The following VSIG4 variants were observed in gnomAD, a reference collection of about 807,000 sequenced individuals.
The protein encoded by VSIG4 is V-set and immunoglobulin domain-containing protein 4.
In VSIG4, 34 loss-of-function variants were observed where a neutral mutation model predicts 23.4. That is an observed-to-expected ratio of 1.45 (90% confidence interval 1.10 to 1.93). The LOEUF (loss-of-function observed/expected upper bound fraction) is 1.93. Ranked by LOEUF, VSIG4 falls within the 30% of genes most tolerant of loss-of-function variation. VSIG4 has a pLI of 0.00. For missense variants in VSIG4, 433 were observed against 310.8 expected, an observed-to-expected ratio of 1.39 and a Z score of -2.96; for synonymous variants, 169 against 120.3, an observed-to-expected ratio of 1.41 and a Z score of -2.65.
rs1323243051 is a variant in VSIG4 at position 66,032,448 on chromosome X, C to A, written c.694+20G>T. On this transcript the variant is annotated intron_variant, in intron 3 of 7. Transcript: ENST00000374737. ...CAAGCTTGTGTGTTAAGATGCTCAC[C>A]AGGAAAGAGGGCCGCTCACCTTTGA... 2.5e-6 allele frequency: 3 copies of A among 1,200,138 alleles called. No homozygotes were observed. The South Asian group carries it at 5.4e-5, about 21-fold the overall frequency.
At position 66,032,701 on chromosome X, in the gene VSIG4, G is replaced by C; in HGVS notation, c.461C>G (p.Thr154Arg). The C allele has an allele frequency of 2.5e-6, 3 of 1,211,436 alleles. No homozygotes were observed. The highest frequency in any genetic ancestry group is 4.6e-4 in the Middle Eastern group (2 of 4,349). Residue 154 changes from threonine (T) to arginine (R), a missense_variant, in exon 3 of 8, where the codon ACG becomes AGG. Transcript: ENST00000374737. ...TVTTGSGYGF[T>R]VPQGMRISLQ... is the part of the protein sequence containing the mutation. ...GCTAATCCTCATTCCCTGGGGCACC[G>C]TGAAGCCATAACCGCTGCCAGTTGT...
Position 66,033,464 on chromosome X carries a change from A to G in VSIG4, c.412+10T>C. Reference sequence around the variant, plus strand: ...ATTATCAGTGCTTTCCTACCCCCATAGTGACTCACGTTTCTGGACACGGAG... The same window carrying G: ...ATTATCAGTGCTTTCCTACCCCCATGGTGACTCACGTTTCTGGACACGGAG... On this transcript the variant is annotated intron_variant, in intron 2 of 7. Coordinates refer to ENST00000374737, the MANE Select transcript of VSIG4 (RefSeq NM_007268.3). 2.5e-6 allele frequency: 3 copies of G among 1,182,947 alleles called. No homozygotes were observed. The highest frequency in any genetic ancestry group is 3.4e-6 in the Non-Finnish European group (3 of 875,264).
rs1569240329 is a variant in VSIG4 at position 66,027,569 on chromosome X, CA to C, written c.758-44del. On this transcript the variant is annotated intron_variant, in intron 4 of 7. Coordinates refer to ENST00000374737, the MANE Select transcript of VSIG4 (RefSeq NM_007268.3). Reference sequence around the variant, plus strand: ...AGGGTCAGAGATGTCTCTCTTCTTTCAAAAAGTTGAGAGATAGGAGATGGTT... The same window carrying C: ...AGGGTCAGAGATGTCTCTCTTCTTTCAAAAGTTGAGAGATAGGAGATGGTT... The C allele has an allele frequency of 2.3e-5, 24 of 1,065,480 alleles. No individual in the cohort carries two copies. In the East Asian group the frequency reaches 7.7e-4, roughly 34 times the overall value. The allele number at this position is 1,065,480 out of a possible 1,213,427, so 87.8% of individuals were successfully genotyped here.
At chrX:66,027,990 T>A in intron 4 of VSIG4, 60 bp downstream of exon 4, 1 of 1,073,811 alleles carries the variant, frequency 9.3e-7, no homozygotes, top group Non-Finnish European at 1.3e-6. Context: ...GATTCCTTTC[T>A]TGGCTACGAT....
rs778039002 is a variant in VSIG4 at position 66,022,512 on chromosome X, G to A, written c.963-12C>T. 5.8e-6 allele frequency: 7 copies of A among 1,209,878 alleles called. 1 individual carries two copies. The South Asian group carries it at 1.2e-4, about 21-fold the overall frequency. ...CTCTGGCATGTGCCCTATGGCCCAA[G>A]AGCCCACCACCCATAAGAAGGGACT... On this transcript the variant is annotated splice_polypyrimidine_tract_variant and intron_variant, in intron 7 of 7. Transcript: ENST00000374737.
At position 66,032,647 on chromosome X, in the gene VSIG4, G is replaced by C. The variant is rs1204061197; in HGVS notation, c.515C>G (p.Pro172Arg). 1 of 1,211,432 alleles carries C rather than the reference G, an allele frequency of 8.3e-7. No individual in the cohort carries two copies. The highest frequency in any genetic ancestry group is 3.0e-5 in the East Asian group (1 of 33,840). ...TTGCTTATACCAAATATAACTGATG[G>C]GAGGAGAACCCCGAGCCTGGCATTG... ...SLQCQARGSPPISYIWYKQQT... is the reference protein window; with the variant it reads ...SLQCQARGSPRISYIWYKQQT... The change falls in exon 3 of 8, where the codon CCC (proline) becomes CGC (arginine). Residue 172 changes from proline (P) to arginine (R), a missense_variant. By Grantham distance (103) the Pro-to-Arg change is moderately radical. Coordinates refer to ENST00000374737, the MANE Select transcript of VSIG4 (RefSeq NM_007268.3).
intron 1 of VSIG4, among the ~76,000 whole-genome samples, chrX:66,039,076 C>T: frequency 8.9e-6 from 1 of 111,869 alleles, no homozygotes; most frequent in Non-Finnish European, 1.9e-5. Context: ...TGGAATAGTC[C>T]ATCCTCCTTT....
chrX:66,033,352 A>G lies in VSIG4; in HGVS notation c.412+122T>C, dbSNP rs2085487831. Reference sequence around the variant, plus strand: ...TGCCTGTCCACTTCCTCTGATAAGCACATATACCTGTGGAGAGCCTCTGTA... The same window carrying G: ...TGCCTGTCCACTTCCTCTGATAAGCGCATATACCTGTGGAGAGCCTCTGTA... On this transcript the variant is annotated intron_variant, in intron 2 of 7. Transcript: ENST00000374737. The G allele has an allele frequency of 5.0e-6, 3 of 600,560 alleles. No homozygotes were observed. In the Admixed American group the frequency reaches 9.4e-5, roughly 19 times the overall value. 49.5% of individuals were successfully genotyped at this position (600,560 alleles called of 1,213,427 possible).
chrX:66,027,360 A>G (rs1368940136), intron 5 of VSIG4, 89 bp downstream of exon 5: 6 of 798,401 alleles, frequency 7.5e-6, no homozygotes, highest in Non-Finnish European at 1.1e-5. Flanking sequence ...GCAGATTTCA[A>G]TGCTGTAGAA....
Position 66,032,752 on chromosome X carries a change from G to T in VSIG4, c.413-3C>A. 11 of 1,208,038 alleles carry T rather than the reference G, an allele frequency of 9.1e-6. No individual in the cohort carries two copies. Among genetic ancestry groups the T allele is most frequent in the Non-Finnish European group, 1.2e-5 (11 of 893,661 alleles). ...CACTGTGGGCTTGGAGACAGAGACTGCAAAGAAAAGACAAGACAGGAAACT... is the reference window on the plus strand; with the variant it reads ...CACTGTGGGCTTGGAGACAGAGACTTCAAAGAAAAGACAAGACAGGAAACT... On this transcript the variant is annotated splice_polypyrimidine_tract_variant and splice_region_variant and intron_variant, in intron 2 of 7. Transcript: ENST00000374737.
At chrX:66,024,517 C>A (rs2085367571) in intron 6 of VSIG4, among the ~76,000 whole-genome samples, 1 of 111,866 alleles carries the variant, frequency 8.9e-6, no homozygotes, top group South Asian at 3.7e-4. Context: ...AATACTGTCT[C>A]CTTACAACTT....
rs758119123 is a variant in VSIG4, at chrX:66,032,454, A to G, written c.694+14T>C. The G allele has an allele frequency of 3.3e-6, 4 of 1,200,819 alleles. No individual in the cohort carries two copies. In the African/African-American group the frequency reaches 7.0e-5, roughly 21 times the overall value. ...TGTGTGTTAAGATGCTCACCAGGAA[A>G]GAGGGCCGCTCACCTTTGACCACAA... On this transcript the variant is annotated intron_variant, in intron 3 of 7. Coordinates refer to ENST00000374737, the MANE Select transcript of VSIG4 (RefSeq NM_007268.3).
At chrX:66,036,985 C>CATATA (rs1261122795) in intron 1 of VSIG4, among the ~76,000 whole-genome samples, 5 of 12,770 alleles carry the variant, frequency 3.9e-4, no homozygotes, top group Non-Finnish European at 5.5e-4. Context: ...TATAATATAT[C>CATATA]ATATAATATA....
In VSIG4 at chrX:66,025,118, G is replaced by A. The variant is rs1296430566; in HGVS notation, c.847C>T (p.Pro283Ser). Residue 283 changes from proline (P) to serine (S), a missense_variant, in exon 6 of 8, where the codon CCT becomes TCT. Transcript: ENST00000374737. ...ETSAGPGKSL[P>S]VFAIILIISL... ...ATGATGAGGATGATGGCAAAGACAG[G>A]CAGGCTCTTTCCTAGAGGGTAAAAC... 1 of 1,191,524 alleles carries A rather than the reference G, an allele frequency of 8.4e-7. No homozygotes were observed. Among genetic ancestry groups the A allele is most frequent in the Admixed American group, 2.3e-5 (1 of 43,733 alleles).
rs772118560 is a variant in VSIG4 at position 66,039,954 on chromosome X, C to T, written c.45G>A (p.Val15=). 1 of 1,211,492 alleles carries T rather than the reference C, an allele frequency of 8.3e-7. No individual in the cohort carries two copies. Among genetic ancestry groups the T allele is most frequent in the Non-Finnish European group, 1.1e-6 (1 of 895,266 alleles). Residue 15 remains valine, a synonymous_variant, in exon 1 of 8, where the codon GTG becomes GTA. Transcript: ENST00000374737. ...LGLLLLGHLT[V]DTYGRPILEV... ...CCCTTTCTGCCTTACCATAAGTGTC[C>T]ACTGTTAGGTGCCCCAGGAGTAGCA...
At chrX:66,027,799 T>A (rs982749395) in intron 4 of VSIG4, among the ~76,000 whole-genome samples, 11 of 112,314 alleles carry the variant, frequency 9.8e-5, no homozygotes, top group African/African-American at 3.6e-4. Flanking sequence ...AATTTAGTGT[T>A]CTTGTTTTTT....
Position 66,033,949 on chromosome X carries a change from C to T in VSIG4, c.56-119G>A, listed in dbSNP as rs2085500386. On this transcript the variant is annotated intron_variant, in intron 1 of 7. Coordinates refer to ENST00000374737, the MANE Select transcript of VSIG4 (RefSeq NM_007268.3). ...AAATGCCACTCAACTTTCTTTCTAT[C>T]ACACTTTTGTGTACCTGTGCCCTTT... The T allele has an allele frequency of 1.2e-5, 7 of 569,397 alleles. No individual in the cohort carries two copies. The South Asian group carries it at 2.1e-4, about 17-fold the overall frequency. The allele number at this position is 569,397 out of a possible 1,213,427, so 46.9% of individuals were successfully genotyped here.
intron 6 of VSIG4, among the ~76,000 whole-genome samples, chrX:66,023,807 C>T (rs968471412): frequency 2.7e-5 from 3 of 112,200 alleles, no homozygotes; most frequent in African/African-American, 9.7e-5. Context: ...GAATAGAATG[C>T]TACATTTTGA....
intron 1 of VSIG4, among the ~76,000 whole-genome samples, chrX:66,037,553 T>TTA (rs900918545): frequency 4.5e-5 from 3 of 66,259 alleles, no homozygotes; most frequent in African/African-American, 1.9e-4. Context: ...TTATATTATA[T>TTA]TATATATTTA....
Sources: allele counts gnomAD v4.1 joint callset (sites outside exome capture counted in the v4.1 genomes callset), GRCh38; gene constraint gnomAD v4.1.1; transcripts MANE v1.5; gene names NCBI Gene and HGNC (gene_info 2026-07-23, HGNC 2026-07-21).